Variants in EIF2AK1 observed in about 807,000 individuals in gnomAD.
EIF2AK1 encodes eukaryotic translation initiation factor 2 alpha kinase 1.
A neutral mutation model predicts 77.9 loss-of-function variants in EIF2AK1; 54 were observed. The ratio of observed to expected loss-of-function variants is 0.69; its 90% CI spans 0.56 to 0.87. EIF2AK1 has a LOEUF of 0.87. EIF2AK1 is among the 40% of genes least tolerant of loss of function. The probability of loss-of-function intolerance (pLI) is 0.00; values close to 1 mark genes in which losing one functional copy is unlikely to be tolerated. For synonymous variants in EIF2AK1, 314 were observed against 290.5 expected, an observed-to-expected ratio of 1.08 and a Z score of -0.82; for missense variants, 810 against 768.6, an observed-to-expected ratio of 1.05 and a Z score of -0.64.
At chr7:6,045,525 T>C (rs1788422316) in intron 6 of EIF2AK1, among the ~76,000 whole-genome samples, 1 of 151,968 alleles carries the variant, frequency 6.6e-6, no homozygotes, top group Non-Finnish European at 1.5e-5. Flanking sequence ...TTTTGATTCC[T>C]ACCCCAGTCC....
rs57579824 is a variant in EIF2AK1 at position 6,045,733 on chromosome 7, T to TTATATATATATATATATATATATA, written c.630+337_630+338insTATATATATATATATATATATATA. Reference sequence around the variant, plus strand: ...TTAAGAAGTTAACATATTTTAAAAATTATATATATATATATATATAAATTA... The same window carrying TTATATATATATATATATATATATA: ...TTAAGAAGTTAACATATTTTAAAAATTATATATATATATATATATATATATATATATATATATATATATAAATTA... On this transcript the variant is annotated intron_variant, in intron 6 of 14. Coordinates refer to ENST00000199389, the MANE Select transcript of EIF2AK1 (RefSeq NM_014413.4). Among the ~76,000 whole-genome samples the TTATATATATATATATATATATATA allele has an allele frequency of 1.1e-3, 153 of 137,978 alleles. 6 individuals carry two copies. The East Asian group carries it at 0.025, about 22-fold the overall frequency. 90.5% of individuals were successfully genotyped at this position (137,978 alleles called of 152,430 possible).
chr7:6,055,064 C>T (rs1288331170), intron 1 of EIF2AK1, among the ~76,000 whole-genome samples: 2 of 151,942 alleles, frequency 1.3e-5, no homozygotes, highest in Non-Finnish European at 2.9e-5. Context: ...AGAGGATGGC[C>T]GGGCGCGGTT....
intron 7 of EIF2AK1, among the ~76,000 whole-genome samples, chr7:6,044,198 C>G (rs1411034234): frequency 6.6e-6 from 1 of 152,052 alleles, no homozygotes; most frequent in Non-Finnish European, 1.5e-5. Context: ...GGCGCGGTGG[C>G]TCATGCCTGT....
intron 8 of EIF2AK1, among the ~76,000 whole-genome samples, chr7:6,041,723 C>G (rs1472097506): frequency 6.6e-6 from 1 of 151,950 alleles, no homozygotes; most frequent in African/African-American, 2.4e-5. Context: ...CGCCTATAGT[C>G]CCAGCTACTT....
Position 6,023,423 on chromosome 7 carries a change from T to G in EIF2AK1, c.*1250A>C. 1.2e-6 allele frequency: 2 copies of G among 1,614,238 alleles called. No individual in the cohort carries two copies. Among genetic ancestry groups the G allele is most frequent in the South Asian group, 2.2e-5 (2 of 91,084 alleles). On this transcript the variant is annotated 3_prime_UTR_variant, in exon 15 of 15. Transcript: ENST00000199389. ...AAGCATAATGCTGTCAACGCAACCC[T>G]TATAGATAGCTGGGTAGATATTGCG...
chr7:6,038,637 T>G lies in EIF2AK1; in HGVS notation c.1154A>C (p.Gln385Pro), dbSNP rs757550901. 1 of 1,613,244 alleles carries G rather than the reference T, an allele frequency of 6.2e-7. No individual in the cohort carries two copies. The highest frequency in any genetic ancestry group is 1.7e-5 in the Admixed American group (1 of 59,912). The change falls in exon 10 of 15, where the codon CAG becomes CCG. Residue 385 changes from glutamine to proline, a missense_variant. Physicochemically the swap from Gln to Pro is moderately conservative, Grantham distance 76. Transcript: ENST00000199389. ...QYHLMLHIQM[Q>P]LCELSLWDWI... ...ATCCCACAGCGAGAGCTCACACAGC[T>G]GCATCTGGATGTGCAGCATCAGGTG...
At chr7:6,037,392 C>G (rs1195961789) in intron 11 of EIF2AK1, 32 bp downstream of exon 11, 1 of 1,444,060 alleles carries the variant, frequency 6.9e-7, no homozygotes, top group Admixed American at 1.7e-5. Flanking sequence ...AAAGCTCCCA[C>G]TGCTTTCAAT....
rs1788141586 is a variant in EIF2AK1 at position 6,037,492 on chromosome 7, T to A, written c.1264A>T (p.Ile422Phe). The A allele has an allele frequency of 6.2e-7, 1 of 1,612,980 alleles. No individual in the cohort carries two copies. ...PYVMANVATK[I>F]FQELVEGVFY... ...ACACCTTCTACCAATTCTTGAAAAATTTTTGTTGCAACATTGGCCATAACA... is the reference window on the plus strand; with the variant it reads ...ACACCTTCTACCAATTCTTGAAAAAATTTTGTTGCAACATTGGCCATAACA... Residue 422 changes from isoleucine to phenylalanine, a missense_variant, in exon 11 of 15, where the codon ATT becomes TTT. Around this residue, in one of 3 missense-constraint regions of EIF2AK1, gnomAD observed 549 missense variants for 533.7 expected, o/e 1.03. Coordinates refer to ENST00000199389, the MANE Select transcript of EIF2AK1 (RefSeq NM_014413.4).
Position 6,059,032 on chromosome 7 carries a change from C to T in EIF2AK1, c.52G>A (p.Ala18Thr). 6.6e-7 allele frequency: 1 copy of T among 1,521,418 alleles called. No individual in the cohort carries two copies. Among genetic ancestry groups the T allele is most frequent in the Non-Finnish European group, 8.8e-7 (1 of 1,139,788 alleles). The allele number at this position is 1,521,418 out of a possible 1,614,324, so 94.2% of individuals were successfully genotyped here. Residue 18 changes from alanine (A) to threonine (T), a missense_variant, in exon 1 of 15, where the codon GCT becomes ACT. Around this residue, in one of 3 missense-constraint regions of EIF2AK1, gnomAD observed 246 missense variants for 199.0 expected, o/e 1.24. Transcript: ENST00000199389. ...VRKREEEGDGAGAVAAPPAID... is the reference protein window; with the variant it reads ...VRKREEEGDGTGAVAAPPAID... ...GCCGGCGGCGCAGCCACAGCCCCAG[C>T]CCCGTCGCCCTCCTCTTCGCGCTTG...
rs1001401875 is a variant in EIF2AK1 at position 6,035,845 on chromosome 7, T to A, written c.1332+1579A>T. The stretch of plus-strand genomic sequence containing the variant: ...GTCTCTTCCACGGGGAACACGCCCC[T>A]GAAGCTTGCAGTGTGCACTGCATCA... On this transcript the variant is annotated intron_variant, in intron 11 of 14. Transcript: ENST00000199389. This position sits in a 1 kb window ranked among gnomAD's most constrained non-coding sequence, Gnocchi z 5.5. The A allele has an allele frequency of 6.5e-7, 1 of 1,548,332 alleles. No homozygotes were observed. Among genetic ancestry groups the A allele is most frequent in the Non-Finnish European group, 8.7e-7 (1 of 1,145,324 alleles).
chr7:6,052,584 T>TAAA (rs56106343), intron 2 of EIF2AK1, among the ~76,000 whole-genome samples: 2,853 of 97,048 alleles, frequency 0.029, 104 homozygotes, highest in African/African-American at 0.076. Flanking sequence ...ACTGTTTTGG[T>TAAA]AAAAAAAAAA....
chr7:6,038,773 G>C, intron 9 of EIF2AK1, 102 bp from the exon 10 acceptor site: 2 of 943,380 alleles, frequency 2.1e-6, no homozygotes, highest in Non-Finnish European at 3.1e-6. Context: ...CAAGAGAGTA[G>C]GCCTCTAGGG....
intron 14 of EIF2AK1, among the ~76,000 whole-genome samples, chr7:6,025,856 C>T (rs1199713709): frequency 3.3e-5 from 5 of 152,090 alleles, no homozygotes; most frequent in Non-Finnish European, 5.9e-5. Flanking sequence ...TGGTCTTGAA[C>T]TCCTAACATC....
chr7:6,030,818 C>T (rs930182922), intron 11 of EIF2AK1, among the ~76,000 whole-genome samples: 1 of 152,062 alleles, frequency 6.6e-6, no homozygotes, highest in Non-Finnish European at 1.5e-5. Context: ...TTTTTAAAAG[C>T]TCCCAGATAA....
rs1229580215 is a variant in EIF2AK1, at chr7:6,036,197, A to G, written c.1332+1227T>C. 9 of 1,549,658 alleles carry G rather than the reference A, an allele frequency of 5.8e-6. No homozygotes were observed. Among genetic ancestry groups the G allele is most frequent in the Non-Finnish European group, 7.8e-6 (9 of 1,146,598 alleles). On this transcript the variant is annotated intron_variant, in intron 11 of 14. Transcript: ENST00000199389. This position sits in a 1 kb window ranked among gnomAD's most constrained non-coding sequence, Gnocchi z 4.6. Reference sequence around the variant, plus strand: ...GAATTCTACCTGCAGGAATCATGCTACCAGAATTCCGCCTCTTAAGGGACA... The same window carrying G: ...GAATTCTACCTGCAGGAATCATGCTGCCAGAATTCCGCCTCTTAAGGGACA...
intron 2 of EIF2AK1, among the ~76,000 whole-genome samples, chr7:6,052,423 T>C (rs896062112): frequency 6.6e-6 from 1 of 151,614 alleles, no homozygotes; most frequent in African/African-American, 2.4e-5. Flanking sequence ...GCAGAGTGTA[T>C]TATTTGCTTT....
At chr7:6,056,277 T>C (rs113997670) in intron 1 of EIF2AK1, among the ~76,000 whole-genome samples, 2,255 of 72,936 alleles carry the variant, frequency 0.031, 82 homozygotes, top group African/African-American at 0.11. Context: ...CGGGCAACGG[T>C]GTGAGACTCA....
Position 6,054,638 on chromosome 7 carries a change from G to A in EIF2AK1, c.185C>T (p.Ala62Val), listed in dbSNP as rs973220613. The A allele has an allele frequency of 2.5e-6, 4 of 1,614,066 alleles. No individual in the cohort carries two copies. Among genetic ancestry groups the A allele is most frequent in the East Asian group, 2.2e-5 (1 of 44,902 alleles). ...EPLQQPTFPFAVANQLLLVSL... is the reference protein window; with the variant it reads ...EPLQQPTFPFVVANQLLLVSL... ...AACCAGCAAGAGTTGGTTTGCAACT[G>A]CAAAAGGGAAGGTTGGCTGTTGTAG... Residue 62 changes from alanine (A) to valine (V), a missense_variant, in exon 2 of 15, where the codon GCA becomes GTA. This residue lies in a region of EIF2AK1 where 246 missense variants were observed against 199.0 expected (regional missense o/e 1.24). Coordinates refer to ENST00000199389, the MANE Select transcript of EIF2AK1 (RefSeq NM_014413.4).
Position 6,028,627 on chromosome 7 carries a change from C to A in EIF2AK1, c.1518G>T (p.Glu506Asp). The A allele has an allele frequency of 3.1e-6, 5 of 1,614,154 alleles. No individual in the cohort carries two copies. The highest frequency in any genetic ancestry group is 4.2e-6 in the Non-Finnish European group (5 of 1,179,986). ...CAACAAATACTACCTTGGCATCATA[C>A]TCAGATCCTTCCAACTGTTCGGGTG... ...YASPEQLEGS[E>D]YDAKSDMYSL... The change falls in exon 13 of 15, where the codon GAG becomes GAT. Residue 506 changes from glutamate to aspartate, a missense_variant. By Grantham distance (45) the Glu-to-Asp change is conservative. Coordinates refer to ENST00000199389, the MANE Select transcript of EIF2AK1 (RefSeq NM_014413.4).
Sources: allele counts gnomAD v4.1 joint callset (sites outside exome capture counted in the v4.1 genomes callset), GRCh38; gene constraint gnomAD v4.1.1; regional missense constraint gnomAD v4.1.1; non-coding constraint Gnocchi (gnomAD v3.1); transcripts MANE v1.5; gene names NCBI Gene and HGNC (gene_info 2026-07-23, HGNC 2026-07-21).